ZNF599: variants seen among roughly 807,000 people sequenced by gnomAD.
The protein encoded by ZNF599 is zinc finger protein 599.
ZNF599 carries 10 observed loss-of-function variants against 11.7 expected under a neutral mutation model. The observed-to-expected ratio is 0.86, with a 90% CI of 0.53 to 1.45. ZNF599 has a LOEUF of 1.45. Among genes scored for constraint, ZNF599 ranks in the 40% most tolerant of loss-of-function variants. The pLI, the probability that ZNF599 is intolerant of heterozygous loss-of-function variation, is 0.00. For missense variants in ZNF599, 688 were observed against 713.6 expected (o/e 0.96, Z 0.41); for synonymous variants, 232 against 253.2 (o/e 0.92, Z 0.79).
At chr19:34,765,616 ACT>A (rs1162965104) in intron 3 of ZNF599, 3 of 703,020 alleles carry the variant, frequency 4.3e-6, no homozygotes, top group African/African-American at 3.5e-5. Context: ...CAGGATGATA[ACT>A]CTTCCACAGA....
the ZNF599 span, among the ~76,000 whole-genome samples, chr19:34,789,251 A>T: frequency 6.6e-6 from 1 of 152,186 alleles, no homozygotes; most frequent in Middle Eastern, 3.4e-3. Context: ...TTACCCAATC[A>T]TATCTCGATG....
rs114966386 is a variant in ZNF599, at chr19:34,760,364, C to T, written c.437G>A (p.Cys146Tyr). The change falls in exon 4 of 4, where the codon TGC becomes TAC. Residue 146 changes from cysteine to tyrosine, a missense_variant. Physicochemically the swap from Cys to Tyr is radical, Grantham distance 194 (BLOSUM62 -2). Transcript: ENST00000329285. ...RPGTNPHKEI[C>Y]PEKLSYKHDD... ...ATGTTTATAACTCAACTTCTCAGGG[C>T]ATATCTCTTTGTGGGGGTTTGTTCC... 48 of 1,614,136 alleles carry T rather than the reference C, an allele frequency of 3.0e-5. No homozygotes were observed. The highest frequency in any genetic ancestry group is 1.6e-4 in the African/African-American group (12 of 75,030).
chr19:34,782,383 T>G, the ZNF599 span, among the ~76,000 whole-genome samples: 3 of 152,260 alleles, frequency 2.0e-5, no homozygotes, highest in Non-Finnish European at 2.9e-5. Flanking sequence ...TCTTAGTGCC[T>G]GTAATTCCTG....
rs1434821792 is a variant in ZNF599 at position 34,759,864 on chromosome 19, A to C, written c.937T>G (p.Cys313Gly). 6.2e-7 allele frequency: 1 copy of C among 1,614,186 alleles called. No individual in the cohort carries two copies. Among genetic ancestry groups the C allele is most frequent in the Non-Finnish European group, 8.5e-7 (1 of 1,180,042 alleles). The change falls in exon 4 of 4, where the codon TGC becomes GGC. Residue 313 changes from cysteine to glycine, a missense_variant. By Grantham distance (159) the Cys-to-Gly change is radical. Transcript: ENST00000329285. ...MTHTREKPFLCKECGKAFYYS... is the reference protein window; with the variant it reads ...MTHTREKPFLGKECGKAFYYS... ...TAAAAAGCTTTCCCACATTCTTTGC[A>C]TAAAAAGGGTTTTTCTCGAGTGTGA...
chr19:34,803,001 C>T, the ZNF599 span, among the ~76,000 whole-genome samples: 10 of 152,228 alleles, frequency 6.6e-5, no homozygotes, highest in East Asian at 1.9e-3. Context: ...GTGACCATGT[C>T]GGTAACAGCA....
chr19:34,794,863 G>A, the ZNF599 span, among the ~76,000 whole-genome samples: 1 of 152,142 alleles, frequency 6.6e-6, no homozygotes, highest in Non-Finnish European at 1.5e-5. Flanking sequence ...CAATCACCAT[G>A]CCTGGCCCTC....
rs533153224 is a variant in ZNF599, at chr19:34,760,577, T to C, written c.242-18A>G. ...TTTTTCACCTGAAGGAAATCCAATA[T>C]AAAAAAAACTGAACATTAGTGATGT... On this transcript the variant is annotated intron_variant, in intron 3 of 3. Coordinates refer to ENST00000329285, the MANE Select transcript of ZNF599 (RefSeq NM_001007248.3). 3.2e-6 allele frequency: 5 copies of C among 1,568,266 alleles called. No individual in the cohort carries two copies. The African/African-American group carries it at 5.5e-5, about 17-fold the overall frequency.
intron 1 of ZNF599, among the ~76,000 whole-genome samples, chr19:34,771,291 G>A (rs1348118486): frequency 2.0e-5 from 3 of 152,042 alleles, no homozygotes; most frequent in South Asian, 2.1e-4. Context: ...TTTTATGCTC[G>A]ACATACTGGA....
the ZNF599 span, chr19:34,779,786 C>T: frequency 4.2e-6 from 1 of 236,412 alleles, no homozygotes; most frequent in Non-Finnish European, 8.4e-6. Flanking sequence ...ATATTCTCTA[C>T]ACCCATAAGG....
At chr19:34,765,363 A>G (rs1410827669) in intron 3 of ZNF599, 4 of 563,510 alleles carry the variant, frequency 7.1e-6, no homozygotes, top group Non-Finnish European at 1.3e-5. Flanking sequence ...AGTCTCACAC[A>G]GTGGCTTGAT....
chr19:34,765,884 C>T (rs1332404196), intron 3 of ZNF599, among the ~76,000 whole-genome samples: 1 of 152,036 alleles, frequency 6.6e-6, no homozygotes, highest in East Asian at 1.9e-4. Flanking sequence ...ATCACTTGGC[C>T]TAGAGTACTA....
intron 3 of ZNF599, chr19:34,763,887 C>G (rs2069126758): frequency 6.6e-6 from 1 of 152,084 alleles, no homozygotes; most frequent in African/African-American, 2.4e-5. Context: ...AGTTACCAGC[C>G]TGGCCAACAC....
chr19:34,767,498 A>T lies in ZNF599; in HGVS notation c.146-87T>A. 3.1e-6 allele frequency: 3 copies of T among 983,170 alleles called. No homozygotes were observed. In the South Asian group the frequency reaches 4.7e-5, roughly 15 times the overall value. The allele number at this position is 983,170 out of a possible 1,614,324, so 60.9% of individuals were successfully genotyped here. On this transcript the variant is annotated intron_variant, in intron 2 of 3. Transcript: ENST00000329285. Reference sequence around the variant, plus strand: ...GTGTAAAGGAGTACATATATTTAACATACTGCAATGAAACCCCAGAAAGGG... The same window carrying T: ...GTGTAAAGGAGTACATATATTTAACTTACTGCAATGAAACCCCAGAAAGGG...
intron 1 of ZNF599, 33 bp downstream of exon 1, chr19:34,772,791 G>T: frequency 1.3e-6 from 2 of 1,534,722 alleles, no homozygotes. Flanking sequence ...GCGGTGACCC[G>T]AGCTCGCGCG....
chr19:34,804,182 C>A, the ZNF599 span, among the ~76,000 whole-genome samples: 1 of 152,236 alleles, frequency 6.6e-6, no homozygotes, highest in Admixed American at 6.5e-5. Flanking sequence ...CTCTAGCAGA[C>A]AACCACATTT....
chr19:34,782,634 G>A, the ZNF599 span, among the ~76,000 whole-genome samples: 1 of 152,234 alleles, frequency 6.6e-6, no homozygotes, highest in Non-Finnish European at 1.5e-5. Flanking sequence ...CAGGACAGCA[G>A]AGAAGTGAGA....
chr19:34,760,632 CAGA>C, intron 3 of ZNF599, 73 bp from the exon 4 acceptor site: 3 of 1,337,714 alleles, frequency 2.2e-6, no homozygotes, highest in Non-Finnish European at 3.0e-6. Context: ...ACCACTTTAG[CAGA>C]AGAATGAAGG....
intron 3 of ZNF599, 42 bp downstream of exon 3, chr19:34,767,274 C>T: frequency 6.6e-7 from 1 of 1,525,816 alleles, no homozygotes; most frequent in Non-Finnish European, 9.1e-7. Flanking sequence ...GGGTGGTCTG[C>T]AGGCTGCCCT....
chr19:34,760,462 T>C lies in ZNF599; in HGVS notation c.339A>G (p.Ser113=). The C allele has an allele frequency of 1.2e-6, 2 of 1,614,180 alleles. No individual in the cohort carries two copies. Among genetic ancestry groups the C allele is most frequent in the African/African-American group, 2.7e-5 (2 of 75,038 alleles). The change falls in exon 4 of 4, where the codon TCA becomes TCG. Residue 113 remains serine, a synonymous_variant. Transcript: ENST00000329285. ...SFQELLAQRS[S]RDSRLGQARD... ...TAGCTTGCCCCAACCTGGAATCTCT[T>C]GAGGATCTCTGTGCCAGAAGTTCCT...
Sources: allele counts gnomAD v4.1 joint callset (sites outside exome capture counted in the v4.1 genomes callset), GRCh38; gene constraint gnomAD v4.1.1; transcripts MANE v1.5; gene names NCBI Gene and HGNC (gene_info 2026-07-23, HGNC 2026-07-21).